The following TESK2 variants were observed in gnomAD, a reference collection of about 807,000 sequenced individuals.
TESK2 encodes testis associated actin remodelling kinase 2.
TESK2 carries 39 observed loss-of-function variants against 57.1 expected under a neutral mutation model. The ratio of observed to expected loss-of-function variants is 0.68; its 90% CI spans 0.53 to 0.89. TESK2 has a LOEUF of 0.89. Among genes scored for constraint, TESK2 ranks in the 40% least tolerant of loss-of-function variants. The pLI, the probability that TESK2 is intolerant of heterozygous loss-of-function variation, is 0.00. For missense variants in TESK2, 646 were observed against 732.1 expected (o/e 0.88, Z 1.36); for synonymous variants, 249 against 267.9 (o/e 0.93, Z 0.69).
At chr1:45,402,137 C>A (rs1470933551) in intron 3 of TESK2, among the ~76,000 whole-genome samples, 7 of 150,564 alleles carry the variant, frequency 4.6e-5, no homozygotes, top group East Asian at 3.9e-4. Context: ...CACCTGTAAT[C>A]CCAGCACTTT....
chr1:45,482,478 T>C (rs1446240298), intron 1 of TESK2, among the ~76,000 whole-genome samples: 1 of 151,704 alleles, frequency 6.6e-6, no homozygotes, highest in Non-Finnish European at 1.5e-5. Flanking sequence ...TAGTGAGCTA[T>C]GATCAGACCA....
intron 3 of TESK2, among the ~76,000 whole-genome samples, chr1:45,420,565 T>A (rs920972031): frequency 6.9e-5 from 9 of 130,826 alleles, no homozygotes; most frequent in East Asian, 2.8e-4. Context: ...CCAAATAAAA[T>A]TTTTTTTTTT....
intron 4 of TESK2, among the ~76,000 whole-genome samples, chr1:45,371,744 T>C (rs1648194173): frequency 6.6e-6 from 1 of 151,936 alleles, no homozygotes; most frequent in African/African-American, 2.4e-5. Context: ...GATGCACGCC[T>C]GTAGTCCCAG....
In TESK2 at chr1:45,348,103, C is replaced by T. The variant is rs555008009; in HGVS notation, c.541-103G>A. ...CCTTCCTATCACAGGGCACCTTGTC[C>T]TCTGCTCCTTGGTGAACCGCACTCA... On this transcript the variant is annotated intron_variant, in intron 5 of 10. Coordinates refer to ENST00000372086, the MANE Select transcript of TESK2 (RefSeq NM_007170.3). 1.4e-4 allele frequency: 113 copies of T among 806,540 alleles called. 2 individuals are homozygous for T. In the South Asian group the frequency reaches 1.5e-3, roughly 11 times the overall value. The allele number at this position is 806,540 out of a possible 1,614,324, so 50.0% of individuals were successfully genotyped here.
At chr1:45,439,785 T>C (rs1471902935) in intron 2 of TESK2, among the ~76,000 whole-genome samples, 1 of 151,892 alleles carries the variant, frequency 6.6e-6, no homozygotes, top group African/African-American at 2.4e-5. Context: ...CAAGACCCCA[T>C]CTCTCAAAAA....
At chr1:45,471,378 A>G (rs1652754906) in intron 1 of TESK2, among the ~76,000 whole-genome samples, 1 of 152,132 alleles carries the variant, frequency 6.6e-6, no homozygotes, top group Non-Finnish European at 1.5e-5. Context: ...TGAAAGATAC[A>G]TGTAAATCAA....
intron 4 of TESK2, among the ~76,000 whole-genome samples, chr1:45,361,812 TC>T (rs1229405279): frequency 6.6e-6 from 1 of 152,124 alleles, no homozygotes; most frequent in Non-Finnish European, 1.5e-5. Flanking sequence ...TGAGCACTCC[TC>T]CCCCTACTGC....
chr1:45,431,658 A>G (rs1238116126), intron 2 of TESK2, among the ~76,000 whole-genome samples: 1 of 152,156 alleles, frequency 6.6e-6, no homozygotes, highest in East Asian at 1.9e-4. Context: ...AGGGATACTC[A>G]ACCTTTTACT....
Position 45,392,649 on chromosome 1 carries a change from C to T in TESK2, c.345-6689G>A, listed in dbSNP as rs555553913. 1.1e-4 allele frequency among the ~76,000 whole-genome samples: 16 copies of T among 151,726 alleles called. 1 individual carries two copies. Among genetic ancestry groups the T allele is most frequent in the Non-Finnish European group, 1.5e-4 (10 of 67,948 alleles). On this transcript the variant is annotated intron_variant, in intron 3 of 10. Coordinates refer to ENST00000372086, the MANE Select transcript of TESK2 (RefSeq NM_007170.3). ...CCAGGAGGTGGAGGTTGTGGTGAGC[C>T]GAGAGCGCACCATTGCACTCCGGCC... is the stretch of plus-strand genomic sequence containing the variant.
chr1:45,382,823 G>A (rs1187712148), intron 4 of TESK2, among the ~76,000 whole-genome samples: 4 of 152,070 alleles, frequency 2.6e-5, no homozygotes, highest in East Asian at 1.9e-4. Flanking sequence ...AGCTGAGATC[G>A]GGCCATTGCA....
chr1:45,412,585 C>G (rs1171931026), intron 3 of TESK2, among the ~76,000 whole-genome samples: 1 of 152,134 alleles, frequency 6.6e-6, no homozygotes, highest in African/African-American at 2.4e-5. Context: ...ATGATATTAC[C>G]TAGCACAGGG....
At chr1:45,478,065 C>T (rs974163990) in intron 1 of TESK2, among the ~76,000 whole-genome samples, 22 of 152,198 alleles carry the variant, frequency 1.4e-4, no homozygotes, top group Non-Finnish European at 2.9e-4. Context: ...AAAGTTCTGC[C>T]TCATTTGACC....
intron 2 of TESK2, among the ~76,000 whole-genome samples, chr1:45,426,642 CA>C (rs1462364501): frequency 6.6e-6 from 1 of 151,972 alleles, no homozygotes; most frequent in African/African-American, 2.4e-5. Context: ...GCAAATGAAA[CA>C]AAGTGAAGAG....
At chr1:45,440,054 C>T (rs917788244) in intron 2 of TESK2, among the ~76,000 whole-genome samples, 2 of 151,796 alleles carry the variant, frequency 1.3e-5, no homozygotes, top group African/African-American at 2.4e-5. Context: ...CTGCCTCAAG[C>T]GATTCCCATT....
At chr1:45,483,317 CG>C (rs1290628026) in intron 1 of TESK2, among the ~76,000 whole-genome samples, 1 of 151,510 alleles carries the variant, frequency 6.6e-6, no homozygotes, top group East Asian at 1.9e-4. Flanking sequence ...AAAGAGGAGC[CG>C]GGCGTGGTGG....
rs750640550 is a variant in TESK2, at chr1:45,457,800, C to T, written c.-15G>A. The T allele has an allele frequency of 4.4e-6, 7 of 1,606,048 alleles. No homozygotes were observed. In the South Asian group the frequency reaches 4.4e-5, roughly 10 times the overall value. On this transcript the variant is annotated 5_prime_UTR_variant, in exon 2 of 11. In the 5' UTR this introduces an upstream ATG that the reference lacks. Coordinates refer to ENST00000372086, the MANE Select transcript of TESK2 (RefSeq NM_007170.3). ...CTCCGATCCATAGTCTAAATAATCA[C>T]TTTTTTCTTCTTTTAAGAAGGAACT... is the stretch of plus-strand genomic sequence containing the variant.
intron 1 of TESK2, among the ~76,000 whole-genome samples, chr1:45,481,490 G>A (rs1653223188): frequency 6.6e-6 from 1 of 152,150 alleles, no homozygotes; most frequent in African/African-American, 2.4e-5. Context: ...GGTTTGAACT[G>A]TACAGGTCCA....
chr1:45,365,302 T>C (rs1647864827), intron 4 of TESK2, among the ~76,000 whole-genome samples: 1 of 152,134 alleles, frequency 6.6e-6, no homozygotes, highest in South Asian at 2.1e-4. Flanking sequence ...CACCAGGGCC[T>C]GCCTGACTGA....
At chr1:45,408,764 G>A (rs1397428903) in intron 3 of TESK2, among the ~76,000 whole-genome samples, 1 of 152,170 alleles carries the variant, frequency 6.6e-6, no homozygotes, top group Non-Finnish European at 1.5e-5. Flanking sequence ...CCAGGTGATG[G>A]AAGGTGACTA....
Sources: allele counts gnomAD v4.1 joint callset (sites outside exome capture counted in the v4.1 genomes callset), GRCh38; gene constraint gnomAD v4.1.1; transcripts MANE v1.5; gene names NCBI Gene and HGNC (gene_info 2026-07-23, HGNC 2026-07-21).